ANKS1B: variants seen among roughly 807,000 people sequenced by gnomAD.
The protein encoded by ANKS1B is ankyrin repeat and sterile alpha motif domain-containing protein 1B.
A neutral mutation model predicts 148.3 loss-of-function variants in ANKS1B; 36 were observed. The ratio of observed to expected loss-of-function variants is 0.24; its 90% CI spans 0.19 to 0.32. The LOEUF is 0.32. ANKS1B is among the 10% of genes least tolerant of loss of function. ANKS1B has a pLI of 1.00. For synonymous variants in ANKS1B, 542 were observed against 560.8 expected (o/e 0.97, Z 0.47); for missense variants, 1,157 against 1,542.6 (o/e 0.75, Z 4.19).
At chr12:99,703,382 TAA>T (rs2153523597) in intron 8 of ANKS1B, among the ~76,000 whole-genome samples, 1 of 152,286 alleles carries the variant, frequency 6.6e-6, no homozygotes, top group South Asian at 2.1e-4. Flanking sequence ...CAAATCTTTT[TAA>T]AAGAAACTGA....
intron 4 of ANKS1B, among the ~76,000 whole-genome samples, chr12:99,787,024 A>C (rs1000901688): frequency 6.6e-6 from 1 of 152,384 alleles, no homozygotes; most frequent in Middle Eastern, 3.4e-3. Context: ...AAATGAATCA[A>C]ATAGCATTCT....
At chr12:99,964,927 C>T (rs372998240) in intron 1 of ANKS1B, among the ~76,000 whole-genome samples, 19 of 152,104 alleles carry the variant, frequency 1.2e-4, no homozygotes, top group Middle Eastern at 3.4e-3. Flanking sequence ...GCATATAAGA[C>T]GACTTATCAA....
chr12:98,764,619 T>C (rs761693593), intron 25 of ANKS1B, among the ~76,000 whole-genome samples: 1 of 152,254 alleles, frequency 6.6e-6, no homozygotes, highest in African/African-American at 2.4e-5. Flanking sequence ...CTTTCTCAAA[T>C]GGATATGCCT....
At chr12:99,918,778 A>C (rs2094254081) in intron 1 of ANKS1B, among the ~76,000 whole-genome samples, 1 of 152,202 alleles carries the variant, frequency 6.6e-6, no homozygotes, top group Non-Finnish European at 1.5e-5. Context: ...GTTTTTTATT[A>C]TTTTAATACA....
At chr12:98,774,022 T>C (rs1200801445) in intron 24 of ANKS1B, among the ~76,000 whole-genome samples, 1 of 152,148 alleles carries the variant, frequency 6.6e-6, no homozygotes, top group Admixed American at 6.5e-5. Context: ...TCAAGGTGCT[T>C]TCTCCGTGGA....
chr12:99,838,230 AC>A (rs1301356055), intron 1 of ANKS1B, among the ~76,000 whole-genome samples: 1 of 152,186 alleles, frequency 6.6e-6, no homozygotes, highest in Non-Finnish European at 1.5e-5. Context: ...AGTGCAATAA[AC>A]ATACAAGTGC....
chr12:99,273,136 G>A (rs1044661133), intron 12 of ANKS1B, among the ~76,000 whole-genome samples: 4 of 152,142 alleles, frequency 2.6e-5, no homozygotes, highest in Non-Finnish European at 4.4e-5. Flanking sequence ...CATCTTATTG[G>A]AGTTGTTCAC....
At chr12:99,184,736 A>G (rs1167054357) in intron 14 of ANKS1B, among the ~76,000 whole-genome samples, 1 of 152,234 alleles carries the variant, frequency 6.6e-6, no homozygotes, top group African/African-American at 2.4e-5. Flanking sequence ...TCATGAAAGA[A>G]TGAATGGATA....
chr12:98,976,474 G>A (rs1311374080), intron 17 of ANKS1B: 1 of 152,192 alleles, frequency 6.6e-6, no homozygotes, highest in Non-Finnish European at 1.5e-5. Flanking sequence ...TGTCTACACA[G>A]AGGTTTCTGA....
intron 9 of ANKS1B, among the ~76,000 whole-genome samples, chr12:99,616,663 T>C (rs1039745864): frequency 6.6e-6 from 1 of 152,140 alleles, no homozygotes; most frequent in Non-Finnish European, 1.5e-5. Flanking sequence ...AAGACTTAAA[T>C]GTAAAACCTA....
intron 4 of ANKS1B, among the ~76,000 whole-genome samples, chr12:99,798,737 T>C (rs10860525): frequency 0.5 from 75,194 of 151,826 alleles, 18,940 homozygotes; most frequent in East Asian, 0.57. Flanking sequence ...CAGAATACCA[T>C]TGTTGCTATT....
At chr12:99,332,592 T>C (rs2087789185) in intron 12 of ANKS1B, among the ~76,000 whole-genome samples, 1 of 151,330 alleles carries the variant, frequency 6.6e-6, no homozygotes, top group Non-Finnish European at 1.5e-5. Context: ...TACCTGGCAC[T>C]GGGATTACAG....
chr12:99,561,235 GT>G (rs59577611), intron 9 of ANKS1B, among the ~76,000 whole-genome samples: 2,667 of 152,268 alleles, frequency 0.018, 75 homozygotes, highest in South Asian at 0.065. Flanking sequence ...ATGTGATGCT[GT>G]TTGACAGCAT....
intron 9 of ANKS1B, among the ~76,000 whole-genome samples, chr12:99,553,228 G>C (rs1049411841): frequency 6.6e-6 from 1 of 152,160 alleles, no homozygotes; most frequent in Non-Finnish European, 1.5e-5. Context: ...CAAAAATTTA[G>C]CAAGGCTTTC....
intron 1 of ANKS1B, among the ~76,000 whole-genome samples, chr12:99,856,733 A>G (rs772944834): frequency 3.3e-5 from 5 of 152,128 alleles, no homozygotes; most frequent in African/African-American, 2.4e-5. Flanking sequence ...TTTAACATAT[A>G]CAAGTAAAGA....
chr12:99,383,222 AG>A (rs2093717385), intron 12 of ANKS1B, among the ~76,000 whole-genome samples: 1 of 152,198 alleles, frequency 6.6e-6, no homozygotes, highest in African/African-American at 2.4e-5. Context: ...GACCAACACA[AG>A]CTTATATGAG....
intron 12 of ANKS1B, among the ~76,000 whole-genome samples, chr12:99,364,981 C>T (rs2092689913): frequency 6.6e-6 from 1 of 152,176 alleles, no homozygotes; most frequent in African/African-American, 2.4e-5. Flanking sequence ...AACACAATAT[C>T]ACTGCATCAA....
At chr12:99,485,030 T>A (rs1272732271) in intron 10 of ANKS1B, among the ~76,000 whole-genome samples, 1 of 151,948 alleles carries the variant, frequency 6.6e-6, no homozygotes, top group Non-Finnish European at 1.5e-5. Flanking sequence ...TCAACGTTAA[T>A]ATTGAGATGT....
chr12:99,328,123 T>G (rs2152254987), intron 12 of ANKS1B, among the ~76,000 whole-genome samples: 1 of 152,116 alleles, frequency 6.6e-6, no homozygotes, highest in Non-Finnish European at 1.5e-5. Flanking sequence ...AAAATGATAA[T>G]TTGCAAGACA....
Sources: allele counts gnomAD v4.1 joint callset (sites outside exome capture counted in the v4.1 genomes callset), GRCh38; gene constraint gnomAD v4.1.1; transcripts MANE v1.5; gene names NCBI Gene and HGNC (gene_info 2026-07-23, HGNC 2026-07-21).